The following LOC128462377 variants were observed in gnomAD, a reference collection of about 807,000 sequenced individuals.
At chr16:89,405,411 C>A in the LOC128462377 span, among the ~76,000 whole-genome samples, 2 of 151,886 alleles carry the variant, frequency 1.3e-5, no homozygotes, top group African/African-American at 2.4e-5. Flanking sequence ...GTAGCCTCGA[C>A]CTCCTGGGCT....
At chr16:89,397,190 G>A in the LOC128462377 span, among the ~76,000 whole-genome samples, 2 of 152,218 alleles carry the variant, frequency 1.3e-5, no homozygotes, top group Middle Eastern at 3.4e-3. Context: ...CACGTCCAAC[G>A]GCGTCTCACA....
chr16:89,368,755 A>T, the LOC128462377 span, among the ~76,000 whole-genome samples: 1 of 152,070 alleles, frequency 6.6e-6, no homozygotes, highest in African/African-American at 2.4e-5. Context: ...AAAATACAAA[A>T]ATTAGTCAGG....
the LOC128462377 span, among the ~76,000 whole-genome samples, chr16:89,377,801 A>G: frequency 1.3e-5 from 2 of 152,110 alleles, no homozygotes; most frequent in East Asian, 3.9e-4. Context: ...GAAATGACAA[A>G]GCACTTCGTA....
the LOC128462377 span, among the ~76,000 whole-genome samples, chr16:89,387,837 T>C: frequency 6.6e-6 from 1 of 151,320 alleles, no homozygotes; most frequent in Non-Finnish European, 1.5e-5. Context: ...ACCCCGTCTC[T>C]ACTAAAAATT....
At chr16:89,364,418 C>T in the LOC128462377 span, among the ~76,000 whole-genome samples, 3 of 152,328 alleles carry the variant, frequency 2.0e-5, no homozygotes, top group East Asian at 3.9e-4. Flanking sequence ...ATCCTACTCA[C>T]GGTAAGAACA....
chr16:89,361,773 A>G, the LOC128462377 span: 1 of 152,286 alleles, frequency 6.6e-6, no homozygotes, highest in Non-Finnish European at 1.5e-5. Context: ...TCTAAGGACT[A>G]AGGGAGAAGT....
At chr16:89,413,636 T>TA in the LOC128462377 span, among the ~76,000 whole-genome samples, 1 of 151,652 alleles carries the variant, frequency 6.6e-6, no homozygotes, top group East Asian at 1.9e-4. Flanking sequence ...AAGAAAAAAA[T>TA]AAAGGAAATG....
chr16:89,344,629 G>T, the LOC128462377 span, among the ~76,000 whole-genome samples: 1 of 152,324 alleles, frequency 6.6e-6, no homozygotes, highest in Admixed American at 6.5e-5. Context: ...CAGGCTGAGG[G>T]GCCCAGGAAG....
chr16:89,318,844 G>C, the LOC128462377 span, among the ~76,000 whole-genome samples: 1 of 152,216 alleles, frequency 6.6e-6, no homozygotes, highest in East Asian at 1.9e-4. Flanking sequence ...CTCCACCCGC[G>C]GTGCAGGTGA....
chr16:89,397,984 A>G, the LOC128462377 span, among the ~76,000 whole-genome samples: 1 of 152,232 alleles, frequency 6.6e-6, no homozygotes, highest in Non-Finnish European at 1.5e-5. Context: ...CACCCACCAA[A>G]AACAACCACA....
the LOC128462377 span, among the ~76,000 whole-genome samples, chr16:89,334,893 C>T: frequency 6.6e-6 from 1 of 152,102 alleles, no homozygotes; most frequent in Non-Finnish European, 1.5e-5. Context: ...AGTGTGTCTG[C>T]TGTGGCCTTC....
chr16:89,365,329 G>C, the LOC128462377 span, among the ~76,000 whole-genome samples: 1 of 152,140 alleles, frequency 6.6e-6, no homozygotes, highest in Non-Finnish European at 1.5e-5. Context: ...ATCAGCAGAG[G>C]CAGAGCTCTC....
chr16:89,351,221 C>T, the LOC128462377 span, among the ~76,000 whole-genome samples: 5 of 152,148 alleles, frequency 3.3e-5, no homozygotes, highest in African/African-American at 1.2e-4. Flanking sequence ...TGGGCATGGG[C>T]GAGGGGTTCC....
chr16:89,357,732 G>C, the LOC128462377 span, among the ~76,000 whole-genome samples: 9 of 152,238 alleles, frequency 5.9e-5, no homozygotes. Context: ...ACAGGGTCCA[G>C]GGACAAACAG....
the LOC128462377 span, among the ~76,000 whole-genome samples, chr16:89,375,704 C>T: frequency 6.6e-6 from 1 of 150,512 alleles, no homozygotes; most frequent in Non-Finnish European, 1.5e-5. Context: ...ATCCGCCCAG[C>T]CTCAGCCTCC....
chr16:89,351,725 G>A, the LOC128462377 span, among the ~76,000 whole-genome samples: 5 of 152,206 alleles, frequency 3.3e-5, no homozygotes, highest in African/African-American at 1.2e-4. Flanking sequence ...CAGACTCAGA[G>A]AGGACGCAGA....
chr16:89,358,211 A>C, the LOC128462377 span, among the ~76,000 whole-genome samples: 1 of 152,208 alleles, frequency 6.6e-6, no homozygotes, highest in Non-Finnish European at 1.5e-5. Context: ...CACAGCCCCC[A>C]CACCTCACTC....
the LOC128462377 span, among the ~76,000 whole-genome samples, chr16:89,352,192 T>C: frequency 6.6e-6 from 1 of 151,896 alleles, no homozygotes; most frequent in Non-Finnish European, 1.5e-5. Context: ...ACCTGGCCGA[T>C]TATCTTCTTT....
the LOC128462377 span, among the ~76,000 whole-genome samples, chr16:89,411,173 G>C: frequency 1.3e-5 from 2 of 152,264 alleles, no homozygotes; most frequent in African/African-American, 4.8e-5. Context: ...TCCACACCCA[G>C]GGCCACGCCT....
Sources: allele counts gnomAD v4.1 joint callset (sites outside exome capture counted in the v4.1 genomes callset), GRCh38; gene constraint gnomAD v4.1.1; transcripts MANE v1.5.